DMD: variants seen among roughly 807,000 people sequenced by gnomAD.
The protein encoded by DMD is dystrophin.
Under a neutral mutation model 330.1 loss-of-function variants are expected in DMD, and 63 were observed. That is an observed-to-expected ratio of 0.19 (90% CI 0.16 to 0.24). The LOEUF is 0.24. Among genes scored for constraint, DMD ranks in the 10% least tolerant of loss-of-function variants. The pLI is 1.00. For missense variants in DMD, 3,344 were observed against 2,684.1 expected (o/e 1.25, Z -5.43); for synonymous variants, 1,223 against 959.8 (o/e 1.27, Z -5.07).
chrX:32,856,658 T>C (rs1251416548), intron 2 of DMD, among the ~76,000 whole-genome samples: 1 of 110,953 alleles, frequency 9.0e-6, no homozygotes, highest in Non-Finnish European at 1.9e-5. Flanking sequence ...TTTACCAGAG[T>C]GTAGTATGGG....
In DMD at chrX:31,654,869, T is replaced by C. The variant is rs755733151; in HGVS notation, c.8027+3121A>G. On this transcript the variant is annotated intron_variant, in intron 54 of 78. Coordinates refer to ENST00000357033, the MANE Select transcript of DMD (RefSeq NM_004006.3). ...ACAACAGACCCCCATGACACAAGTT[T>C]ACCTATGTAACAAACCTGCACATGT... Among the ~76,000 whole-genome samples the C allele has an allele frequency of 1.0e-4, 11 of 110,292 alleles. 1 individual carries two copies. The South Asian group carries it at 3.5e-3, about 35-fold the overall frequency.
chrX:31,520,479 CCT>C (rs750787430), intron 55 of DMD, among the ~76,000 whole-genome samples: 98 of 111,542 alleles, frequency 8.8e-4, no homozygotes, highest in Admixed American at 4.1e-3. Flanking sequence ...GTCAACTAAA[CCT>C]CTTTTTCTTT....
intron 9 of DMD, among the ~76,000 whole-genome samples, chrX:32,667,000 G>C (rs1210930467): frequency 1.8e-5 from 2 of 111,041 alleles, no homozygotes; most frequent in Non-Finnish European, 3.8e-5. Context: ...GTTCACAGTA[G>C]CCAAGATATG....
intron 62 of DMD, among the ~76,000 whole-genome samples, chrX:31,296,157 T>A (rs1239973629): frequency 1.8e-5 from 2 of 111,243 alleles, no homozygotes; most frequent in African/African-American, 6.5e-5. Context: ...GGAAATCTCT[T>A]TTCTGAATCA....
At chrX:32,652,131 A>G (rs2060200697) in intron 9 of DMD, among the ~76,000 whole-genome samples, 1 of 111,562 alleles carries the variant, frequency 9.0e-6, no homozygotes, top group African/African-American at 3.3e-5. Flanking sequence ...TCTAGAGCCA[A>G]AAACATTAAT....
chrX:32,377,925 C>T (rs994517774), intron 34 of DMD, among the ~76,000 whole-genome samples: 3 of 111,006 alleles, frequency 2.7e-5, no homozygotes, highest in African/African-American at 9.8e-5. Context: ...TTTTTCCTCT[C>T]ATAGAATTGC....
Position 31,449,207 on chromosome X carries a change from T to C in DMD, c.8938-4580A>G, listed in dbSNP as rs2065509067. Among the ~76,000 whole-genome samples, 3 of 111,231 alleles carry C rather than the reference T, an allele frequency of 2.7e-5. No individual in the cohort carries two copies. The Admixed American group carries it at 2.9e-4, about 11-fold the overall frequency. On this transcript the variant is annotated intron_variant, in intron 59 of 78. Transcript: ENST00000357033. ...CTGGCATAGTCTGCAGTGCCTGGCA[T>C]AGCGTGCAGTGCCTGGTGTGCAATG...
chrX:32,738,134 C>A (rs1175261601), intron 7 of DMD, among the ~76,000 whole-genome samples: 1 of 111,609 alleles, frequency 9.0e-6, no homozygotes, highest in Non-Finnish European at 1.9e-5. Flanking sequence ...AAGCCAAAAT[C>A]ACAGAGGGTT....
chrX:31,929,513 C>A (rs1345931270), intron 47 of DMD, 83 bp downstream of exon 47: 2 of 1,108,882 alleles, frequency 1.8e-6, no homozygotes, highest in East Asian at 3.0e-5. Context: ...CCTCCCCGAC[C>A]AATGAAGCAC....
intron 13 of DMD, among the ~76,000 whole-genome samples, chrX:32,576,114 T>C (rs553805372): frequency 4.5e-5 from 5 of 112,078 alleles, no homozygotes; most frequent in African/African-American, 1.3e-4. Context: ...TTTTGTTCAC[T>C]GTATGAGTCA....
At chrX:33,089,122 G>C (rs6631734) in intron 1 of DMD, among the ~76,000 whole-genome samples, 1 of 99,233 alleles carries the variant, frequency 1.0e-5, no homozygotes, top group Non-Finnish European at 2.0e-5. Flanking sequence ...CTGGAGTGCA[G>C]TGTCACGATC....
At chrX:31,481,866 A>G (rs2068314371) in intron 57 of DMD, among the ~76,000 whole-genome samples, 1 of 111,526 alleles carries the variant, frequency 9.0e-6, no homozygotes, top group African/African-American at 3.3e-5. Context: ...GTAAAACATG[A>G]GACACACAGG....
chrX:31,216,008 G>T (rs2045370504), intron 64 of DMD, among the ~76,000 whole-genome samples: 1 of 112,609 alleles, frequency 8.9e-6, no homozygotes, highest in Admixed American at 9.4e-5. Context: ...TCCCATTAAA[G>T]CTGCTATTTC....
chrX:32,421,205 T>C (rs1047391601), intron 29 of DMD, among the ~76,000 whole-genome samples: 1 of 112,562 alleles, frequency 8.9e-6, no homozygotes, highest in Non-Finnish European at 1.9e-5. Context: ...TATGGCTTCC[T>C]GTCATCTTAC....
chrX:32,599,949 T>C (rs1380232898), intron 12 of DMD, among the ~76,000 whole-genome samples: 1 of 112,168 alleles, frequency 8.9e-6, no homozygotes, highest in African/African-American at 3.2e-5. Context: ...AACAGTGAGA[T>C]GTAACATTAA....
At chrX:32,092,284 C>A (rs2096480171) in intron 44 of DMD, among the ~76,000 whole-genome samples, 1 of 111,968 alleles carries the variant, frequency 8.9e-6, no homozygotes, top group Non-Finnish European at 1.9e-5. Context: ...CTGGTTTATT[C>A]CACCTTTATG....
chrX:32,733,234 C>A (rs1385599421), intron 7 of DMD, among the ~76,000 whole-genome samples: 1 of 110,923 alleles, frequency 9.0e-6, no homozygotes, highest in African/African-American at 3.3e-5. Context: ...ATATATGCAC[C>A]CAACAAAGGA....
intron 7 of DMD, among the ~76,000 whole-genome samples, chrX:32,714,450 T>G: frequency 8.9e-6 from 1 of 111,842 alleles, no homozygotes; most frequent in African/African-American, 3.2e-5. Context: ...TTATTTCACT[T>G]AGGATGATAG....
rs1603630920 is a variant in DMD, at chrX:32,331,508, C to T, written c.5922+10592G>A. Reference sequence around the variant, plus strand: ...AAAAATATATTAATCATAGATTTTGCAGTCAATATTTCCTGAAGAATGTGC... The same window carrying T: ...AAAAATATATTAATCATAGATTTTGTAGTCAATATTTCCTGAAGAATGTGC... On this transcript the variant is annotated intron_variant, in intron 41 of 78. Coordinates refer to ENST00000357033, the MANE Select transcript of DMD (RefSeq NM_004006.3). Among the ~76,000 whole-genome samples the T allele has an allele frequency of 4.5e-5, 5 of 111,311 alleles. 1 individual carries two copies. In the Admixed American group the frequency reaches 4.8e-4, roughly 11 times the overall value.
Sources: gnomAD v4.1 joint callset for allele counts (sites outside exome capture counted in the v4.1 genomes callset) on GRCh38, gnomAD v4.1.1 for gene constraint, MANE v1.5 for transcripts, NCBI Gene and HGNC (gene_info 2026-07-23, HGNC 2026-07-21) for gene names.